AP3S1: variants seen among roughly 807,000 people sequenced by gnomAD.
AP3S1 encodes the protein adaptor related protein complex 3 subunit sigma 1, also known as AP-3 complex subunit sigma-1.
In AP3S1, 12 loss-of-function variants were observed where a neutral mutation model predicts 21.3. That is an observed-to-expected ratio of 0.56 (90% CI 0.36 to 0.91). The LOEUF is 0.91. Among genes scored for constraint, AP3S1 ranks in the 40% least tolerant of loss-of-function variants. AP3S1 has a pLI of 0.01. For synonymous variants in AP3S1, 48 were observed against 78.4 expected (o/e 0.61, Z 2.05); for missense variants, 116 against 225.0 (o/e 0.52, Z 3.10).
At chr5:115,860,100 C>T (rs1400800569) in intron 1 of AP3S1, among the ~76,000 whole-genome samples, 2 of 152,172 alleles carry the variant, frequency 1.3e-5, no homozygotes, top group Non-Finnish European at 2.9e-5. Flanking sequence ...TCTTTTCTAG[C>T]TCCTAGAGGC....
At chr5:115,863,914 G>A (rs539431905) in intron 1 of AP3S1, among the ~76,000 whole-genome samples, 3 of 152,314 alleles carry the variant, frequency 2.0e-5, no homozygotes, top group Non-Finnish European at 4.4e-5. Context: ...GGTAGCAGAC[G>A]AGTTCCCAGG....
At chr5:115,883,969 A>T (rs1288118747) in intron 3 of AP3S1, among the ~76,000 whole-genome samples, 2 of 152,194 alleles carry the variant, frequency 1.3e-5, no homozygotes, top group Non-Finnish European at 2.9e-5. Flanking sequence ...TCAACATACA[A>T]ATCAAATTAA....
At position 115,855,287 on chromosome 5, in the gene AP3S1, C is replaced by A. The variant is rs148246593; in HGVS notation, c.70-11383C>A. ...CTCCTGACCTCAAATGATCTGCCTG[C>A]GTTGGCCTCCCAGAGTGCTGGAATT... On this transcript the variant is annotated intron_variant, in intron 1 of 5. Transcript: ENST00000316788. Among the ~76,000 whole-genome samples the A allele has an allele frequency of 1.7e-3, 258 of 152,142 alleles. 1 individual carries two copies. Among genetic ancestry groups the A allele is most frequent in the African/African-American group, 5.5e-3 (228 of 41,516 alleles).
intron 3 of AP3S1, among the ~76,000 whole-genome samples, chr5:115,880,711 T>C (rs1203909433): frequency 6.6e-6 from 1 of 152,184 alleles, no homozygotes; most frequent in Non-Finnish European, 1.5e-5. Context: ...AGATGTCTAT[T>C]AGGTCCACTT....
At position 115,890,563 on chromosome 5, in the gene AP3S1, A is replaced by T. The variant is rs147020652; in HGVS notation, c.274-4524A>T. Among the ~76,000 whole-genome samples, 204 of 152,252 alleles carry T rather than the reference A, an allele frequency of 1.3e-3. 1 individual carries two copies. The highest frequency in any genetic ancestry group is 4.7e-3 in the African/African-American group (196 of 41,562). ...GCTGGTAATGTTAAAACATGATTTG[A>T]GTGTTGATTATACAGAAAAATTTAT... On this transcript the variant is annotated intron_variant, in intron 3 of 5. Coordinates refer to ENST00000316788, the MANE Select transcript of AP3S1 (RefSeq NM_001284.4).
At chr5:115,861,403 G>C (rs989511143) in intron 1 of AP3S1, among the ~76,000 whole-genome samples, 1 of 152,154 alleles carries the variant, frequency 6.6e-6, no homozygotes, top group Non-Finnish European at 1.5e-5. Flanking sequence ...TGGCATGGTA[G>C]GGAGTTTGTA....
chr5:115,887,465 A>C (rs182863609), intron 3 of AP3S1, among the ~76,000 whole-genome samples: 1 of 146,726 alleles, frequency 6.8e-6, no homozygotes, highest in Admixed American at 6.8e-5. Flanking sequence ...TTTTTTTTTT[A>C]CTTAGAAACT....
chr5:115,907,446 T>A lies in AP3S1; in HGVS notation c.453+4454T>A, dbSNP rs546513504. On this transcript the variant is annotated intron_variant, in intron 5 of 5. Transcript: ENST00000316788. ...TTTCAGTTCCAAAGTCTTAACAGAA[T>A]TGCTTTTACAGTTTTGACCTGCAGG... Among the ~76,000 whole-genome samples, 9 of 152,300 alleles carry A rather than the reference T, an allele frequency of 5.9e-5. No homozygotes were observed. The South Asian group carries it at 1.7e-3, about 28-fold the overall frequency.
intron 1 of AP3S1, among the ~76,000 whole-genome samples, chr5:115,863,756 A>G (rs960144305): frequency 6.6e-6 from 1 of 152,220 alleles, no homozygotes; most frequent in African/African-American, 2.4e-5. Context: ...AAATGAAGTC[A>G]TTATATGATA....
intron 3 of AP3S1, among the ~76,000 whole-genome samples, chr5:115,892,064 G>A (rs182031619): frequency 6.6e-6 from 1 of 152,338 alleles, no homozygotes; most frequent in East Asian, 1.9e-4. Flanking sequence ...ATGAAAAGGT[G>A]TTCAACATCA....
At chr5:115,906,865 T>A in intron 5 of AP3S1, 1 of 1,514,224 alleles carries the variant, frequency 6.6e-7, no homozygotes, top group South Asian at 1.3e-5. Flanking sequence ...AGACAAGGTA[T>A]TGCTGACTTT....
chr5:115,868,582 G>A (rs903984469), intron 2 of AP3S1, among the ~76,000 whole-genome samples: 1 of 151,946 alleles, frequency 6.6e-6, no homozygotes, highest in Non-Finnish European at 1.5e-5. Context: ...TATTTTTACT[G>A]TGTAAGAAAT....
At chr5:115,864,515 A>G (rs1191180596) in intron 1 of AP3S1, among the ~76,000 whole-genome samples, 1 of 152,228 alleles carries the variant, frequency 6.6e-6, no homozygotes, top group African/African-American at 2.4e-5. Context: ...TTAATAGAAT[A>G]TCATGCAAGT....
chr5:115,843,118 G>C (rs1026775314), intron 1 of AP3S1, among the ~76,000 whole-genome samples: 1 of 152,204 alleles, frequency 6.6e-6, no homozygotes, highest in African/African-American at 2.4e-5. Context: ...GAATTCGCTA[G>C]CTGAAACACA....
chr5:115,903,120 TTA>T, intron 5 of AP3S1, 128 bp downstream of exon 5: 1 of 675,266 alleles, frequency 1.5e-6, no homozygotes, highest in Non-Finnish European at 2.5e-6. Context: ...TATTCAGTTT[TTA>T]AAAAATGGAA....
At chr5:115,889,629 G>A (rs1750106570) in intron 3 of AP3S1, among the ~76,000 whole-genome samples, 1 of 152,124 alleles carries the variant, frequency 6.6e-6, no homozygotes, top group African/African-American at 2.4e-5. Context: ...CCACAGAACT[G>A]GCAAAGGTAT....
intron 1 of AP3S1, among the ~76,000 whole-genome samples, chr5:115,863,751 A>C (rs1763384092): frequency 6.6e-6 from 1 of 152,206 alleles, no homozygotes; most frequent in African/African-American, 2.4e-5. Flanking sequence ...AGAAAAAATG[A>C]AGTCATTATA....
chr5:115,843,173 T>C (rs1761769094), intron 1 of AP3S1, among the ~76,000 whole-genome samples: 1 of 152,242 alleles, frequency 6.6e-6, no homozygotes, highest in Non-Finnish European at 1.5e-5. Context: ...GGTATAACTG[T>C]TGTGTGGTAT....
At chr5:115,864,540 T>G (rs1419262779) in intron 1 of AP3S1, among the ~76,000 whole-genome samples, 1 of 152,190 alleles carries the variant, frequency 6.6e-6, no homozygotes, top group African/African-American at 2.4e-5. Context: ...AAGGGTGACA[T>G]CATTAAAGAT....
Sources: gnomAD v4.1 joint callset for allele counts (sites outside exome capture counted in the v4.1 genomes callset) on GRCh38, gnomAD v4.1.1 for gene constraint, MANE v1.5 for transcripts, NCBI Gene and HGNC (gene_info 2026-07-23, HGNC 2026-07-21) for gene names.